Variants in CDH23 observed in about 807,000 individuals in gnomAD.
CDH23 encodes the protein cadherin-23.
CDH23 carries 189 observed loss-of-function variants against 317.1 expected under a neutral mutation model. That is an observed-to-expected ratio of 0.60 (90% CI 0.53 to 0.67). The LOEUF is 0.67. Among genes scored for constraint, CDH23 ranks in the 30% least tolerant of loss-of-function variants. The probability of loss-of-function intolerance (pLI) is 0.00; values close to 1 mark genes in which losing one functional copy is unlikely to be tolerated. For synonymous variants in CDH23, 1,839 were observed against 1,876.8 expected (o/e 0.98, Z 0.52); for missense variants, 4,401 against 4,592.4 (o/e 0.96, Z 1.20).
At chr10:71,442,728 G>A (rs968187832) in intron 2 of CDH23, among the ~76,000 whole-genome samples, 2 of 152,192 alleles carry the variant, frequency 1.3e-5, no homozygotes, top group African/African-American at 4.8e-5. Flanking sequence ...ATTCTGCTGG[G>A]TCACTCCTTC....
At chr10:71,521,693 T>A (rs1317994913) in intron 6 of CDH23, among the ~76,000 whole-genome samples, 1 of 152,192 alleles carries the variant, frequency 6.6e-6, no homozygotes, top group Non-Finnish European at 1.5e-5. Flanking sequence ...GCAAGCCAAG[T>A]GCTAGAGATG....
rs372120939 is a variant in CDH23, at chr10:71,778,204, G to T, written c.5083G>T (p.Ala1695Ser). 1.2e-6 allele frequency: 2 copies of T among 1,613,710 alleles called. No individual in the cohort carries two copies. The highest frequency in any genetic ancestry group is 2.7e-5 in the African/African-American group (2 of 74,848). The part of the protein sequence containing the change: ...IDRHMGVITA[A>S]KELDYEISHG... ...TGTCCCCCAGGGTGTCATCACTGCTGCCAAAGAGCTGGACTACGAGATCAG... is the reference window on the plus strand; with the variant it reads ...TGTCCCCCAGGGTGTCATCACTGCTTCCAAAGAGCTGGACTACGAGATCAG... Residue 1695 changes from alanine to serine, a missense_variant, in exon 40 of 70, where the codon GCC (alanine) becomes TCC (serine). Physicochemically the swap from Ala to Ser is moderately conservative, Grantham distance 99 (BLOSUM62 1). Transcript: ENST00000224721.
At position 71,566,523 on chromosome 10, in the gene CDH23, G is replaced by C. The variant is rs12784971; in HGVS notation, c.430-219G>C. On this transcript the variant is annotated intron_variant, in intron 6 of 69. Transcript: ENST00000224721. ...GTTAAGCAAATCATCTTTGGAACTG[G>C]TGCTCTTTACAGCCACCAGGAGGCC... Among the ~76,000 whole-genome samples the C allele has an allele frequency of 0.2, 30,904 of 151,876 alleles. 3,263 individuals carry two copies. The highest frequency in any genetic ancestry group is 0.33 in the East Asian group (1,693 of 5,144).
chr10:71,615,964 A>G (rs1263366461), intron 10 of CDH23, among the ~76,000 whole-genome samples: 1 of 152,198 alleles, frequency 6.6e-6, no homozygotes, highest in Admixed American at 6.5e-5. Flanking sequence ...GCCACCTGGA[A>G]TTCTGGAATT....
In CDH23 at chr10:71,516,582, A is replaced by T. The variant is rs185141514; in HGVS notation, c.429+5370A>T. 4.0e-3 allele frequency among the ~76,000 whole-genome samples: 606 copies of T among 152,246 alleles called. 6 individuals carry two copies. The highest frequency in any genetic ancestry group is 0.014 in the African/African-American group (583 of 41,522). ...ATTTCTATGGTGACAGTAATAATAA[A>T]TCGATTGTTGTTGTTGGTTTCCTGT... On this transcript the variant is annotated intron_variant, in intron 6 of 69. Coordinates refer to ENST00000224721, the MANE Select transcript of CDH23 (RefSeq NM_022124.6).
chr10:71,660,696 TAA>T (rs113874947), intron 14 of CDH23, among the ~76,000 whole-genome samples: 13,727 of 147,982 alleles, frequency 0.093, 1,459 homozygotes, highest in African/African-American at 0.24. Flanking sequence ...GTGTCCACCT[TAA>T]AAAAAAAAAA....
At chr10:71,689,053 A>ACAG (rs1865061799) in intron 19 of CDH23, among the ~76,000 whole-genome samples, 3 of 8,182 alleles carry the variant, frequency 3.7e-4, no homozygotes, top group Admixed American at 1.5e-3. Context: ...GGAGCCAGGG[A>ACAG]TGGTGGAGCC....
intron 3 of CDH23, among the ~76,000 whole-genome samples, chr10:71,468,701 C>T (rs1851368750): frequency 6.6e-6 from 1 of 152,214 alleles, no homozygotes; most frequent in Non-Finnish European, 1.5e-5. Context: ...ACTCACGATT[C>T]CTATACCCTC....
At chr10:71,658,698 G>A (rs1665618) in intron 14 of CDH23, among the ~76,000 whole-genome samples, 69,207 of 151,978 alleles carry the variant, frequency 0.46, 15,966 homozygotes, top group South Asian at 0.57. Context: ...GAAGAAGCTG[G>A]GGCCCGGAGA....
chr10:71,622,611 A>G (rs1442899487), intron 11 of CDH23, among the ~76,000 whole-genome samples: 3 of 152,134 alleles, frequency 2.0e-5, no homozygotes, highest in Admixed American at 6.5e-5. Flanking sequence ...TTGTTTCATT[A>G]TGCACGACCC....
intron 6 of CDH23, among the ~76,000 whole-genome samples, chr10:71,553,317 G>A (rs1242868915): frequency 2.0e-5 from 3 of 151,930 alleles, no homozygotes; most frequent in South Asian, 2.1e-4. Context: ...CAAACCCCCC[G>A]GCCCTCACCA....
At chr10:71,459,033 G>A (rs1308569459) in intron 3 of CDH23, among the ~76,000 whole-genome samples, 6 of 150,384 alleles carry the variant, frequency 4.0e-5, no homozygotes, top group South Asian at 2.1e-4. Flanking sequence ...GATCCAGCCC[G>A]CCCTGGCCTC....
At chr10:71,640,584 C>T (rs968361786) in intron 11 of CDH23, among the ~76,000 whole-genome samples, 3 of 152,104 alleles carry the variant, frequency 2.0e-5, no homozygotes, top group Non-Finnish European at 4.4e-5. Flanking sequence ...CCCGTCTCTA[C>T]TAAAAATACA....
intron 3 of CDH23, among the ~76,000 whole-genome samples, chr10:71,489,268 A>G (rs185811985): frequency 2.6e-5 from 4 of 152,186 alleles, no homozygotes; most frequent in Admixed American, 2.6e-4. Context: ...TGTATTTTCC[A>G]TCTCTAACCC....
intron 38 of CDH23, among the ~76,000 whole-genome samples, chr10:71,776,005 G>A (rs982843653): frequency 2.6e-5 from 4 of 152,114 alleles, no homozygotes; most frequent in Non-Finnish European, 1.5e-5. Flanking sequence ...CCCTGTTGGG[G>A]AGGGGATGCT....
chr10:71,441,310 T>G (rs1176930049), intron 2 of CDH23, among the ~76,000 whole-genome samples: 1 of 152,148 alleles, frequency 6.6e-6, no homozygotes, highest in Non-Finnish European at 1.5e-5. Context: ...GTGGCCTCCA[T>G]GTTCGCTGCA....
At chr10:71,783,408 C>T (rs1441541967) in intron 41 of CDH23, among the ~76,000 whole-genome samples, 1 of 152,218 alleles carries the variant, frequency 6.6e-6, no homozygotes, top group African/African-American at 2.4e-5. Flanking sequence ...GGGTTAAGAC[C>T]CAGAGTGCTG....
At chr10:71,595,353 T>C (rs1859767509) in intron 9 of CDH23, among the ~76,000 whole-genome samples, 1 of 152,096 alleles carries the variant, frequency 6.6e-6, no homozygotes, top group Non-Finnish European at 1.5e-5. Context: ...TAAAAACTTA[T>C]CTTCACACTC....
chr10:71,703,932 C>T (rs144881229), intron 24 of CDH23, among the ~76,000 whole-genome samples: 4 of 152,326 alleles, frequency 2.6e-5, no homozygotes, highest in African/African-American at 7.2e-5. Context: ...GAGCGGGGAG[C>T]GTTTAACTTG....
Sources: allele counts gnomAD v4.1 joint callset (sites outside exome capture counted in the v4.1 genomes callset), GRCh38; gene constraint gnomAD v4.1.1; transcripts MANE v1.5; gene names NCBI Gene and HGNC (gene_info 2026-07-23, HGNC 2026-07-21).